The following ARID1B variants were observed in gnomAD, a reference collection of about 807,000 sequenced individuals.
ARID1B encodes AT-rich interaction domain 1B, also known as AT-rich interactive domain-containing protein 1B.
Under a neutral mutation model 212.3 loss-of-function variants are expected in ARID1B, and 30 were observed. That is an observed-to-expected ratio of 0.14 (90% confidence interval 0.11 to 0.19). The LOEUF (loss-of-function observed/expected upper bound fraction) is 0.19. Among genes scored for constraint, ARID1B ranks in the 10% least tolerant of loss-of-function variants. The pLI, the probability that ARID1B is intolerant of heterozygous loss-of-function variation, is 1.00. For missense variants in ARID1B, 2,891 were observed against 3,204.0 expected (o/e 0.90, Z 2.36); for synonymous variants, 1,402 against 1,301.7 (o/e 1.08, Z -1.66).
chr6:157,044,405 C>T (rs1319896061), intron 4 of ARID1B, among the ~76,000 whole-genome samples: 1 of 152,076 alleles, frequency 6.6e-6, no homozygotes, highest in Non-Finnish European at 1.5e-5. Context: ...TTTCACTTCC[C>T]TCATATAAAA....
At chr6:156,916,893 A>G (rs1032747423) in intron 3 of ARID1B, among the ~76,000 whole-genome samples, 6 of 152,164 alleles carry the variant, frequency 3.9e-5, no homozygotes, top group Non-Finnish European at 8.8e-5. Flanking sequence ...TTAAGTGTCA[A>G]GGCCAGTGTT....
chr6:157,095,466 G>A (rs1375759584), intron 5 of ARID1B, among the ~76,000 whole-genome samples: 4 of 152,248 alleles, frequency 2.6e-5, no homozygotes, highest in Admixed American at 2.6e-4. Context: ...AAAAAGAAAT[G>A]CAAGAAGAAA....
rs779895443 is a variant in ARID1B, at chr6:156,901,473, C to G, written c.2084C>G (p.Pro695Arg). 2 of 1,613,954 alleles carry G rather than the reference C, an allele frequency of 1.2e-6. No individual in the cohort carries two copies. The highest frequency in any genetic ancestry group is 1.7e-6 in the Non-Finnish European group (2 of 1,180,036). The stretch of plus-strand genomic sequence containing the variant: ...CAGCCGCAGCCCCCGCACCTCCCAC[C>G]CCAGGCGCAGTATCTGCCGTCCCAG... ...SQQPQPPHLPPQAQYLPSQSQ... is the reference protein window; with the variant it reads ...SQQPQPPHLPRQAQYLPSQSQ... The change falls in exon 3 of 20, where the codon CCC (proline) becomes CGC (arginine). Residue 695 changes from proline (P) to arginine (R), a missense_variant. Physicochemically the swap from Pro to Arg is moderately radical, Grantham distance 103 (BLOSUM62 -2). Around this residue, in one of 7 missense-constraint regions of ARID1B, gnomAD observed 1,643 missense variants for 1,544.0 expected, o/e 1.06. Transcript: ENST00000636930.
chr6:156,984,508 G>A (rs1050799466), intron 4 of ARID1B, among the ~76,000 whole-genome samples: 27 of 152,148 alleles, frequency 1.8e-4, no homozygotes, highest in Non-Finnish European at 5.9e-5. Flanking sequence ...AATGTGAAGG[G>A]TTCATGACAG....
chr6:157,047,049 A>C (rs1161175154), intron 4 of ARID1B, among the ~76,000 whole-genome samples: 1 of 152,128 alleles, frequency 6.6e-6, no homozygotes, highest in East Asian at 1.9e-4. Flanking sequence ...TAGGAACTCT[A>C]TATTAGGTTA....
intron 2 of ARID1B, among the ~76,000 whole-genome samples, chr6:156,837,616 T>G (rs1783601966): frequency 6.6e-6 from 1 of 152,244 alleles, no homozygotes; most frequent in South Asian, 2.1e-4. Context: ...TTACATGTAA[T>G]AAATTTATTA....
At chr6:156,791,421 A>G (rs1779998296) in intron 1 of ARID1B, among the ~76,000 whole-genome samples, 1 of 152,258 alleles carries the variant, frequency 6.6e-6, no homozygotes, top group Non-Finnish European at 1.5e-5. Flanking sequence ...GCTTTTCAAC[A>G]GTCTCACTTG....
At chr6:156,902,048 T>C (rs1788986363) in intron 3 of ARID1B, 1 of 156,312 alleles carries the variant, frequency 6.4e-6, no homozygotes, top group Non-Finnish European at 1.4e-5. Flanking sequence ...AAAATACTAA[T>C]TGGAATCATG....
intron 4 of ARID1B, among the ~76,000 whole-genome samples, chr6:157,044,393 T>G (rs1324266878): frequency 6.6e-6 from 1 of 152,204 alleles, no homozygotes. Context: ...AAAGTATCTG[T>G]ATTTCACTTC....
intron 2 of ARID1B, among the ~76,000 whole-genome samples, chr6:156,834,374 C>T (rs772232001): frequency 2.6e-5 from 4 of 152,040 alleles, no homozygotes; most frequent in Non-Finnish European, 4.4e-5. Context: ...GTGCCTGGTG[C>T]CTGTTTTACA....
At chr6:157,111,042 A>C (rs1164226626) in intron 6 of ARID1B, 1 of 157,512 alleles carries the variant, frequency 6.3e-6, no homozygotes, top group African/African-American at 2.4e-5. Context: ...AGCAGACCTA[A>C]AAGTTTCTAT....
intron 3 of ARID1B, among the ~76,000 whole-genome samples, chr6:156,921,927 A>C (rs1472198790): frequency 3.3e-5 from 5 of 152,070 alleles, no homozygotes; most frequent in African/African-American, 1.2e-4. Flanking sequence ...GAAATCAGAC[A>C]ACTTTTGAGA....
intron 4 of ARID1B, among the ~76,000 whole-genome samples, chr6:156,968,795 T>A (rs2128340368): frequency 6.6e-6 from 1 of 152,370 alleles, no homozygotes; most frequent in Non-Finnish European, 1.5e-5. Context: ...GGCTCCTTCC[T>A]CACAGGGTCA....
At chr6:156,779,617 C>A (rs1417341938) in intron 1 of ARID1B, 146 bp downstream of exon 1, 1 of 838,848 alleles carries the variant, frequency 1.2e-6, no homozygotes, top group Non-Finnish European at 1.5e-6. Flanking sequence ...GACGGGCGGC[C>A]GCCTCCCGCC....
At chr6:157,113,154 C>G (rs1374834061) in intron 6 of ARID1B, among the ~76,000 whole-genome samples, 1 of 152,188 alleles carries the variant, frequency 6.6e-6, no homozygotes, top group African/African-American at 2.4e-5. Context: ...CTCCCGACCT[C>G]AGGTGATGTA....
intron 4 of ARID1B, among the ~76,000 whole-genome samples, chr6:156,994,215 T>TTTACA (rs1416337657): frequency 6.6e-6 from 1 of 152,238 alleles, no homozygotes; most frequent in African/African-American, 2.4e-5. Flanking sequence ...GGGTCACCTA[T>TTTACA]TTACAGTCCC....
intron 4 of ARID1B, among the ~76,000 whole-genome samples, chr6:156,960,153 A>G (rs1486723793): frequency 6.6e-6 from 1 of 151,706 alleles, no homozygotes; most frequent in Non-Finnish European, 1.5e-5. Flanking sequence ...CTGGTCTCGA[A>G]CTACTGACCT....
intron 4 of ARID1B, among the ~76,000 whole-genome samples, chr6:157,018,999 A>ATTTTTTTTTT (rs1780070190): frequency 6.6e-6 from 1 of 152,218 alleles, no homozygotes; most frequent in Non-Finnish European, 1.5e-5. Context: ...TAGGCTCAGC[A>ATTTTTTTTTT]CAGAAATCAT....
At chr6:156,785,954 T>C (rs1779603175) in intron 1 of ARID1B, among the ~76,000 whole-genome samples, 1 of 152,254 alleles carries the variant, frequency 6.6e-6, no homozygotes, top group African/African-American at 2.4e-5. Flanking sequence ...GTTAGTAGTT[T>C]CACTGCCAGT....
Sources: allele counts gnomAD v4.1 joint callset (sites outside exome capture counted in the v4.1 genomes callset), GRCh38; gene constraint gnomAD v4.1.1; regional missense constraint gnomAD v4.1.1; transcripts MANE v1.5; gene names NCBI Gene and HGNC (gene_info 2026-07-23, HGNC 2026-07-21).